Variants in BMPER observed in about 807,000 individuals in gnomAD.
BMPER encodes BMP binding endothelial regulator.
BMPER carries 45 observed loss-of-function variants against 87.3 expected under a neutral mutation model. The observed-to-expected ratio is 0.52, with a 90% CI of 0.41 to 0.66. The LOEUF is 0.66. BMPER is among the 30% of genes least tolerant of loss of function. The probability of loss-of-function intolerance (pLI) is 0.00; values close to 1 mark genes in which losing one functional copy is unlikely to be tolerated. For synonymous variants in BMPER, 326 were observed against 316.2 expected (o/e 1.03, Z -0.33); for missense variants, 784 against 867.5 (o/e 0.90, Z 1.21).
At chr7:34,135,911 T>C (rs59048272) in intron 13 of BMPER, among the ~76,000 whole-genome samples, 6,229 of 152,094 alleles carry the variant, frequency 0.041, 272 homozygotes, top group African/African-American at 0.11. Flanking sequence ...GAACCGGAGA[T>C]AACTTTTATA....
At chr7:33,961,413 G>A (rs76142054) in intron 3 of BMPER, among the ~76,000 whole-genome samples, 35,730 of 152,144 alleles carry the variant, frequency 0.23, 4,509 homozygotes, top group Admixed American at 0.32. Flanking sequence ...ATTGGTCATT[G>A]TGAATGACAT....
chr7:34,025,445 G>C (rs1787332435), intron 6 of BMPER, among the ~76,000 whole-genome samples: 1 of 151,972 alleles, frequency 6.6e-6, no homozygotes, highest in Non-Finnish European at 1.5e-5. Flanking sequence ...GGGGATCCCA[G>C]GAGGGCTGAG....
At chr7:34,086,957 T>C (rs912334233) in intron 13 of BMPER, among the ~76,000 whole-genome samples, 63 of 152,366 alleles carry the variant, frequency 4.1e-4, no homozygotes, top group African/African-American at 1.5e-3. Flanking sequence ...GTGATTTGCC[T>C]GTGCCTCTTA....
intron 2 of BMPER, among the ~76,000 whole-genome samples, chr7:33,913,726 TG>T (rs1784019489): frequency 6.6e-6 from 1 of 151,548 alleles, no homozygotes; most frequent in Admixed American, 6.6e-5. Flanking sequence ...TACAGTGGAG[TG>T]ATTGGTAGCA....
chr7:34,138,987 A>G (rs146812119), intron 13 of BMPER, among the ~76,000 whole-genome samples: 94 of 152,342 alleles, frequency 6.2e-4, no homozygotes, highest in Middle Eastern at 3.4e-3. Flanking sequence ...GAAAAGGACA[A>G]CGATCTTCCA....
At chr7:34,035,718 C>T (rs975025431) in intron 6 of BMPER, among the ~76,000 whole-genome samples, 2 of 152,192 alleles carry the variant, frequency 1.3e-5, no homozygotes, top group East Asian at 3.8e-4. Context: ...TCTGGCCTCA[C>T]TGTGTGGCTA....
intron 3 of BMPER, among the ~76,000 whole-genome samples, chr7:33,938,202 T>C (rs10234155): frequency 0.37 from 56,176 of 152,044 alleles, 10,841 homozygotes; most frequent in African/African-American, 0.48. Context: ...TGTGGGGCCA[T>C]GCAGGAGGCA....
chr7:33,937,254 T>C, intron 2 of BMPER, 35 bp from the exon 3 acceptor site: 1 of 1,598,800 alleles, frequency 6.3e-7, no homozygotes, highest in Non-Finnish European at 8.6e-7. Context: ...CTGTTTGATG[T>C]CTATTTCAAA....
chr7:34,063,023 G>C (rs2127965821), intron 11 of BMPER, among the ~76,000 whole-genome samples: 2 of 152,312 alleles, frequency 1.3e-5, no homozygotes, highest in South Asian at 4.1e-4. Flanking sequence ...CCCACATGTA[G>C]ACACATGCCT....
At chr7:33,973,894 C>T (rs539148904) in intron 5 of BMPER, among the ~76,000 whole-genome samples, 1 of 152,184 alleles carries the variant, frequency 6.6e-6, no homozygotes, top group African/African-American at 2.4e-5. Context: ...CCATTTATGA[C>T]CTCTCTTTGG....
Position 34,119,012 on chromosome 7 carries a change from T to TCACACACACACA in BMPER, c.1746-24217_1746-24216insACACACACACAC, listed in dbSNP as rs781255103. ...CTCTCTCACTGTCTCTCTCTCTCTCTCTCACACACACACACACACACACAC... is the reference window on the plus strand; with the variant it reads ...CTCTCTCACTGTCTCTCTCTCTCTCTCACACACACACACTCACACACACACACACACACACAC... On this transcript the variant is annotated intron_variant, in intron 13 of 14. Coordinates refer to ENST00000649409, the MANE Select transcript of BMPER (RefSeq NM_001365308.1). Among the ~76,000 whole-genome samples the TCACACACACACA allele has an allele frequency of 7.6e-3, 252 of 32,982 alleles. 1 individual carries two copies. The highest frequency in any genetic ancestry group is 0.02 in the African/African-American group (212 of 10,488). The allele number at this position is 32,982 out of a possible 152,430, so 21.6% of individuals were successfully genotyped here. A position where few individuals can be genotyped will look rare whatever the true frequency, so the allele number is the denominator to read the frequency against.
chr7:34,107,258 A>T (rs1789842366), intron 13 of BMPER, among the ~76,000 whole-genome samples: 1 of 152,222 alleles, frequency 6.6e-6, no homozygotes, highest in South Asian at 2.1e-4. Flanking sequence ...AATTAGAATA[A>T]ATCTTTTCTT....
In BMPER at chr7:33,963,365, T is replaced by G. The variant is rs1785318242; in HGVS notation, c.320-3114T>G. Among the ~76,000 whole-genome samples the G allele has an allele frequency of 2.6e-5, 4 of 152,186 alleles. No homozygotes were observed. The South Asian group carries it at 8.3e-4, about 32-fold the overall frequency. On this transcript the variant is annotated intron_variant, in intron 3 of 14. Transcript: ENST00000649409. ...AGTAAACAGAAATGTTTAATATAATTTGGTAGTGTATTCTGTGCCTATTAC... is the reference window on the plus strand; with the variant it reads ...AGTAAACAGAAATGTTTAATATAATGTGGTAGTGTATTCTGTGCCTATTAC...
chr7:34,032,100 C>CT (rs1425764039), intron 6 of BMPER, among the ~76,000 whole-genome samples: 1 of 150,776 alleles, frequency 6.6e-6, no homozygotes, highest in Non-Finnish European at 1.5e-5. Context: ...TTGTTCTGTT[C>CT]TTTTCATGAA....
intron 13 of BMPER, among the ~76,000 whole-genome samples, chr7:34,089,635 C>G (rs919168491): frequency 2.6e-5 from 4 of 152,050 alleles, no homozygotes; most frequent in East Asian, 1.9e-4. Context: ...AGGCGCCCAC[C>G]ACCACACCCG....
chr7:34,051,257 C>T (rs1207938222), intron 7 of BMPER, among the ~76,000 whole-genome samples: 1 of 152,156 alleles, frequency 6.6e-6, no homozygotes, highest in Non-Finnish European at 1.5e-5. Context: ...TAGAATTTAC[C>T]ATATGAATTT....
At chr7:34,034,573 G>A (rs547742325) in intron 6 of BMPER, among the ~76,000 whole-genome samples, 2 of 152,296 alleles carry the variant, frequency 1.3e-5, no homozygotes, top group East Asian at 1.9e-4. Flanking sequence ...AGATGACAAA[G>A]CAGTATGGAA....
rs2127973946 is a variant in BMPER, at chr7:34,079,113, C to T, written c.1335C>T (p.Ile445=). The T allele has an allele frequency of 1.2e-6, 2 of 1,613,658 alleles. No homozygotes were observed. Among genetic ancestry groups the T allele is most frequent in the East Asian group, 2.2e-5 (1 of 44,846 alleles). The change falls in exon 12 of 15, where the codon ATC becomes ATT. Residue 445 remains isoleucine, a synonymous_variant. Transcript: ENST00000649409. Reference sequence around the variant, plus strand: ...CCGTGCGCTGGAACGGCTCGCGCATCGCGCTCCCCTGCCGCGCGCCACACT... The same window carrying T: ...CCGTGCGCTGGAACGGCTCGCGCATTGCGCTCCCCTGCCGCGCGCCACACT... ...HLTVRWNGSR[I]ALPCRAPHFH... is the part of the protein sequence containing the mutation.
At chr7:34,136,433 C>T (rs1007646874) in intron 13 of BMPER, among the ~76,000 whole-genome samples, 4 of 152,152 alleles carry the variant, frequency 2.6e-5, no homozygotes, top group Non-Finnish European at 5.9e-5. Flanking sequence ...CTTTAGTTGT[C>T]TCCATGCAAC....
Sources: allele counts gnomAD v4.1 joint callset (sites outside exome capture counted in the v4.1 genomes callset), GRCh38; gene constraint gnomAD v4.1.1; transcripts MANE v1.5; gene names NCBI Gene and HGNC (gene_info 2026-07-23, HGNC 2026-07-21).